The following CEBPZ variants were observed in gnomAD, a reference collection of about 807,000 sequenced individuals.
CEBPZ encodes the protein CCAAT enhancer binding protein zeta.
A neutral mutation model predicts 104.5 loss-of-function variants in CEBPZ; 78 were observed. The observed-to-expected ratio is 0.75, with a 90% CI of 0.62 to 0.90. The LOEUF (loss-of-function observed/expected upper bound fraction) is 0.90, where lower values mean the gene tolerates loss of function less well. Among genes scored for constraint, CEBPZ ranks in the 40% least tolerant of loss-of-function variants. The probability of loss-of-function intolerance (pLI) is 0.00; values close to 1 mark genes in which losing one functional copy is unlikely to be tolerated. For synonymous variants in CEBPZ, 470 were observed against 427.0 expected (o/e 1.10, Z -1.24); for missense variants, 1,439 against 1,233.5 (o/e 1.17, Z -2.50).
At chr2:37,215,851 A>G (rs992261116) in intron 8 of CEBPZ, among the ~76,000 whole-genome samples, 1 of 152,058 alleles carries the variant, frequency 6.6e-6, no homozygotes, top group African/African-American at 2.4e-5. Context: ...CGGATGATAA[A>G]ATGGTGACAA....
Position 37,227,912 on chromosome 2 carries a change from T to C in CEBPZ, c.1281A>G (p.Leu427=), listed in dbSNP as rs767524324. The C allele has an allele frequency of 3.2e-5, 52 of 1,613,982 alleles. No homozygotes were observed. The highest frequency in any genetic ancestry group is 2.6e-4 in the South Asian group (24 of 91,084). The stretch of plus-strand genomic sequence containing the variant: ...TGGAGCTGATATTTGAGCGGAAGAG[T>C]AGCCTTTCTACTTCACCAGACACAA... ...KGVVSGEVER[L]LFRSNISSKA... The change falls in exon 2 of 16, where the codon CTA becomes CTG. Residue 427 remains leucine (L), a synonymous_variant. Coordinates refer to ENST00000234170, the MANE Select transcript of CEBPZ (RefSeq NM_005760.3).
intron 15 of CEBPZ, chr2:37,202,156 A>G (rs1677279101): frequency 3.4e-6 from 1 of 291,504 alleles, no homozygotes; most frequent in African/African-American, 2.2e-5. Context: ...AAGCACTTTT[A>G]CTGGTGAAAT....
intron 13 of CEBPZ, 110 bp downstream of exon 13, chr2:37,210,889 C>T (rs909082873): frequency 1.8e-5 from 10 of 567,870 alleles, no homozygotes; most frequent in Admixed American, 3.9e-5. Context: ...AAGAACCCCC[C>T]CCACCCCTGA....
intron 2 of CEBPZ, 33 bp downstream of exon 2, chr2:37,227,511 T>C (rs2148362993): frequency 6.4e-7 from 1 of 1,550,512 alleles, no homozygotes; most frequent in Non-Finnish European, 8.7e-7. Flanking sequence ...AAGTTATTAT[T>C]TCATGTCTCA....
rs764085192 is a variant in CEBPZ at position 37,216,108 on chromosome 2, T to C, written c.2380+32A>G. On this transcript the variant is annotated intron_variant, in intron 8 of 15. Coordinates refer to ENST00000234170, the MANE Select transcript of CEBPZ (RefSeq NM_005760.3). ...ATGCATCTTTGTCTTATATTGTCTT[T>C]TCAGTTTCAACTGTCTAAGGTTTAT... is the stretch of plus-strand genomic sequence containing the variant. 4 of 1,489,382 alleles carry C rather than the reference T, an allele frequency of 2.7e-6. No individual in the cohort carries two copies. In the Admixed American group the frequency reaches 7.5e-5, roughly 28 times the overall value. 92.3% of individuals were successfully genotyped at this position (1,489,382 alleles called of 1,614,324 possible).
chr2:37,202,607 T>C (rs969679176), intron 15 of CEBPZ, 177 bp downstream of exon 15: 1 of 425,432 alleles, frequency 2.4e-6, no homozygotes, highest in African/African-American at 2.6e-5. Context: ...ATCATGCCAC[T>C]GCATTCCAAC....
chr2:37,213,319 A>C (rs1677784924), intron 10 of CEBPZ: 1 of 152,466 alleles, frequency 6.6e-6, no homozygotes, highest in African/African-American at 2.4e-5. Context: ...AAGCAAATAT[A>C]AATGTTTTCT....
chr2:37,205,458 C>T (rs984278636), intron 13 of CEBPZ, among the ~76,000 whole-genome samples: 2 of 152,102 alleles, frequency 1.3e-5, no homozygotes, highest in Non-Finnish European at 2.9e-5. Context: ...AGGCAGAGAA[C>T]AACCCCCTTT....
Position 37,202,839 on chromosome 2 carries a change from C to T in CEBPZ, c.2970G>A (p.Met990Ile), listed in dbSNP as rs1677341205. 12 of 1,601,180 alleles carry T rather than the reference C, an allele frequency of 7.5e-6. No individual in the cohort carries two copies. The highest frequency in any genetic ancestry group is 1.0e-5 in the Non-Finnish European group (12 of 1,174,278). ...EEFGHLLDEN[M>I]GSKFDNIGMN... Reference sequence around the variant, plus strand: ...TGCCAATGTTATCAAACTTGGATCCCATATTTTCATCCAATAGATGGCCAA... The same window carrying T: ...TGCCAATGTTATCAAACTTGGATCCTATATTTTCATCCAATAGATGGCCAA... The change falls in exon 15 of 16, where the codon ATG (methionine) becomes ATA (isoleucine). Residue 990 changes from methionine to isoleucine, a missense_variant. Transcript: ENST00000234170.
chr2:37,217,186 C>T, intron 5 of CEBPZ, 149 bp from the exon 6 acceptor site: 1 of 628,062 alleles, frequency 1.6e-6, no homozygotes, highest in Non-Finnish European at 2.8e-6. Flanking sequence ...TTGCTTGAGC[C>T]CAGAAGTTGA....
intron 5 of CEBPZ, among the ~76,000 whole-genome samples, chr2:37,218,590 A>G (rs759477150): frequency 6.6e-6 from 1 of 152,178 alleles, no homozygotes; most frequent in Non-Finnish European, 1.5e-5. Flanking sequence ...ACTTTGAATC[A>G]ATCATTTATT....
chr2:37,231,430 T>C lies in CEBPZ; in HGVS notation c.138A>G (p.Leu46=). Residue 46 remains leucine (L), a synonymous_variant, in exon 1 of 16, where the codon TTA becomes TTG. Coordinates refer to ENST00000234170, the MANE Select transcript of CEBPZ (RefSeq NM_005760.3). ...AENGFSLEEV[L]RLGGTKQDYL... is the part of the protein sequence containing the mutation. ...CCGTTACCTTGGTGCCTCCGAGCCGTAACACTTCCTCCAGGGAGAACCCAT... is the reference window on the plus strand; with the variant it reads ...CCGTTACCTTGGTGCCTCCGAGCCGCAACACTTCCTCCAGGGAGAACCCAT... 6.2e-7 allele frequency: 1 copy of C among 1,614,164 alleles called. No homozygotes were observed. Among genetic ancestry groups the C allele is most frequent in the Admixed American group, 1.7e-5 (1 of 60,026 alleles).
chr2:37,217,628 C>T (rs775795203), intron 5 of CEBPZ, among the ~76,000 whole-genome samples: 3 of 152,042 alleles, frequency 2.0e-5, no homozygotes, highest in Non-Finnish European at 4.4e-5. Context: ...AGCGGCCAGG[C>T]GCGGTGGCTC....
intron 4 of CEBPZ, among the ~76,000 whole-genome samples, chr2:37,221,034 C>G (rs992136744): frequency 6.6e-6 from 1 of 152,046 alleles, no homozygotes; most frequent in African/African-American, 2.4e-5. Context: ...AAAACTTCTC[C>G]TTTGGCTGGG....
At chr2:37,230,747 T>A (rs990323958) in intron 1 of CEBPZ, among the ~76,000 whole-genome samples, 1 of 152,150 alleles carries the variant, frequency 6.6e-6, no homozygotes, top group Non-Finnish European at 1.5e-5. Flanking sequence ...GCTCATGGAA[T>A]AGGTTAGGCA....
intron 1 of CEBPZ, among the ~76,000 whole-genome samples, chr2:37,230,448 C>A (rs528809730): frequency 6.6e-6 from 1 of 152,264 alleles, no homozygotes; most frequent in South Asian, 2.1e-4. Context: ...TTAAAGTTTG[C>A]ACCACGTGTT....
chr2:37,211,215 C>T (rs1677710826), intron 12 of CEBPZ, 133 bp from the exon 13 acceptor site: 1 of 543,228 alleles, frequency 1.8e-6, no homozygotes, highest in Non-Finnish European at 3.2e-6. Context: ...TTTTGTAATT[C>T]CACTAGCATA....
intron 4 of CEBPZ, 148 bp from the exon 5 acceptor site, chr2:37,220,621 C>G: frequency 2.2e-6 from 1 of 445,196 alleles, no homozygotes; most frequent in Non-Finnish European, 4.1e-6. Flanking sequence ...TGAGCTCCCT[C>G]AAGAATTTGT....
intron 13 of CEBPZ, chr2:37,210,709 C>G (rs765554093): frequency 1.4e-5 from 4 of 278,976 alleles, no homozygotes; most frequent in African/African-American, 2.3e-5. Context: ...TCAGAAATCA[C>G]TACTAAAGAA....
Sources: allele counts gnomAD v4.1 joint callset (sites outside exome capture counted in the v4.1 genomes callset), GRCh38; gene constraint gnomAD v4.1.1; transcripts MANE v1.5; gene names NCBI Gene and HGNC (gene_info 2026-07-23, HGNC 2026-07-21).